PCDH17: variants seen among roughly 807,000 people sequenced by gnomAD.
PCDH17 encodes the protein protocadherin-17.
A neutral mutation model predicts 67.7 loss-of-function variants in PCDH17; 21 were observed. The observed-to-expected ratio is 0.31, with a 90% CI of 0.22 to 0.45. The LOEUF is 0.45. PCDH17 is among the 20% of genes least tolerant of loss of function. The probability of loss-of-function intolerance (pLI) is 1.00; values close to 1 mark genes in which losing one functional copy is unlikely to be tolerated. For synonymous variants in PCDH17, 701 were observed against 656.7 expected (o/e 1.07, Z -1.03); for missense variants, 1,471 against 1,564.8 (o/e 0.94, Z 1.01).
intron 3 of PCDH17, among the ~76,000 whole-genome samples, chr13:57,700,011 T>C (rs1443123266): frequency 2.0e-5 from 3 of 152,102 alleles, no homozygotes; most frequent in Non-Finnish European, 4.4e-5. Flanking sequence ...TTTATACATA[T>C]TCTTCTGTCA....
At chr13:57,687,992 A>AT (rs1314941151) in intron 3 of PCDH17, among the ~76,000 whole-genome samples, 5 of 152,000 alleles carry the variant, frequency 3.3e-5, no homozygotes, top group Non-Finnish European at 7.4e-5. Flanking sequence ...GAGACTGTCA[A>AT]TTTGTAACAC....
At chr13:57,704,356 A>G (rs552145459) in intron 3 of PCDH17, among the ~76,000 whole-genome samples, 1 of 152,214 alleles carries the variant, frequency 6.6e-6, no homozygotes, top group South Asian at 2.1e-4. Flanking sequence ...ACAGTCTAGT[A>G]GGCAGCAGAA....
At chr13:57,668,101 TA>T (rs1955278129) in intron 3 of PCDH17, among the ~76,000 whole-genome samples, 1 of 151,896 alleles carries the variant, frequency 6.6e-6, no homozygotes, top group Non-Finnish European at 1.5e-5. Flanking sequence ...AAATTATTTT[TA>T]ACAAAAGCAA....
intron 1 of PCDH17, among the ~76,000 whole-genome samples, chr13:57,642,260 A>C (rs1345229113): frequency 6.6e-6 from 1 of 151,724 alleles, no homozygotes; most frequent in Non-Finnish European, 1.5e-5. Context: ...TTAAAGGACC[A>C]TTTCTTGTTT....
intron 1 of PCDH17, among the ~76,000 whole-genome samples, chr13:57,637,032 T>G (rs950782991): frequency 6.6e-6 from 1 of 152,116 alleles, no homozygotes; most frequent in African/African-American, 2.4e-5. Context: ...ATGCTGTTCT[T>G]GAAGGTGGTC....
chr13:57,703,540 T>A (rs1298467980), intron 3 of PCDH17, among the ~76,000 whole-genome samples: 1 of 152,154 alleles, frequency 6.6e-6, no homozygotes, highest in Non-Finnish European at 1.5e-5. Flanking sequence ...CTTTTTCTCC[T>A]GCACTTTCTA....
chr13:57,720,584 C>T (rs552027507), intron 3 of PCDH17, among the ~76,000 whole-genome samples: 1 of 151,950 alleles, frequency 6.6e-6, no homozygotes, highest in African/African-American at 2.4e-5. Context: ...CTGTGATTCA[C>T]CTGTATTTCT....
intron 3 of PCDH17, among the ~76,000 whole-genome samples, chr13:57,707,946 C>G: frequency 6.6e-6 from 1 of 152,058 alleles, no homozygotes; most frequent in Middle Eastern, 3.4e-3. Flanking sequence ...TCTGCAGAGA[C>G]CCTATTTCCA....
chr13:57,631,928 G>C lies in PCDH17; in HGVS notation c.-619G>C, dbSNP rs1014324358. On this transcript the variant is annotated 5_prime_UTR_variant, in exon 1 of 4. Coordinates refer to ENST00000377918, the MANE Select transcript of PCDH17 (RefSeq NM_001040429.3). Reference sequence around the variant, plus strand: ...GCGCAGCAAGCAGACATTTCACGGTGCGCTGGGGAAGCTTCAAAATATATC... The same window carrying C: ...GCGCAGCAAGCAGACATTTCACGGTCCGCTGGGGAAGCTTCAAAATATATC... 11 of 152,522 alleles carry C rather than the reference G, an allele frequency of 7.2e-5. No homozygotes were observed. The highest frequency in any genetic ancestry group is 2.4e-4 in the African/African-American group (10 of 41,430). The allele number at this position is 152,522 out of a possible 1,614,324, so 9.4% of individuals were successfully genotyped here.
rs1955262613 is a variant in PCDH17, at chr13:57,666,893, T to C, written c.2797+60T>C. ...AGCTTAAGCAGTCATTATAAACCTA[T>C]TAGATCTAGAGTTGCAGTTTATCAC... On this transcript the variant is annotated intron_variant, in intron 3 of 3. Transcript: ENST00000377918. 7.4e-6 allele frequency: 10 copies of C among 1,347,322 alleles called. No individual in the cohort carries two copies. In the Admixed American group the frequency reaches 2.0e-4, roughly 26 times the overall value. The allele number at this position is 1,347,322 out of a possible 1,614,324, so 83.5% of individuals were successfully genotyped here.
chr13:57,698,707 G>C (rs1955634656), intron 3 of PCDH17, among the ~76,000 whole-genome samples: 1 of 151,880 alleles, frequency 6.6e-6, no homozygotes, highest in South Asian at 2.1e-4. Context: ...GATTCATTCA[G>C]GTCATAGAGA....
intron 1 of PCDH17, among the ~76,000 whole-genome samples, chr13:57,660,621 C>A (rs1477644903): frequency 1.3e-5 from 2 of 152,060 alleles, no homozygotes; most frequent in Non-Finnish European, 2.9e-5. Context: ...TTTCATGAAA[C>A]AAGCAAGATA....
At chr13:57,651,996 G>A (rs1283681085) in intron 1 of PCDH17, among the ~76,000 whole-genome samples, 1 of 152,028 alleles carries the variant, frequency 6.6e-6, no homozygotes, top group Non-Finnish European at 1.5e-5. Flanking sequence ...GAACACTTAC[G>A]GGCCGGGCGC....
At chr13:57,694,400 A>T (rs1343891637) in intron 3 of PCDH17, among the ~76,000 whole-genome samples, 5 of 151,224 alleles carry the variant, frequency 3.3e-5, no homozygotes, top group Admixed American at 2.6e-4. Flanking sequence ...AAAGATTTTG[A>T]TGAGAATGAA....
rs370245900 is a variant in PCDH17 at position 57,725,261 on chromosome 13, C to T, written c.3447C>T (p.Cys1149=). ...AAATTGATAAGCTTTTGCAAGACTG[C>T]CGGGGAAACGACCCTGTGGCTGTGA... ...VREIDKLLQD[C]RGNDPVAVRK Residue 1149 remains cysteine (C), a synonymous_variant, in exon 4 of 4, where the codon TGC becomes TGT. Transcript: ENST00000377918. 8.5e-5 allele frequency: 137 copies of T among 1,611,368 alleles called. No individual in the cohort carries two copies. The highest frequency in any genetic ancestry group is 1.1e-4 in the Non-Finnish European group (133 of 1,178,520).
At chr13:57,669,577 A>G (rs1001629516) in intron 3 of PCDH17, among the ~76,000 whole-genome samples, 3 of 151,976 alleles carry the variant, frequency 2.0e-5, no homozygotes, top group Non-Finnish European at 4.4e-5. Context: ...AGAGGAGGAG[A>G]CTACAATTTA....
At chr13:57,698,925 G>A (rs903172619) in intron 3 of PCDH17, among the ~76,000 whole-genome samples, 28 of 151,686 alleles carry the variant, frequency 1.8e-4, no homozygotes, top group African/African-American at 6.8e-4. Context: ...GAAAGGAAAA[G>A]GAGAAAAAAA....
At position 57,632,972 on chromosome 13, in the gene PCDH17, G is replaced by A. The variant is rs770674617; in HGVS notation, c.426G>A (p.Ser142=). 8.7e-6 allele frequency: 14 copies of A among 1,613,384 alleles called. No individual in the cohort carries two copies. Among genetic ancestry groups the A allele is most frequent in the African/African-American group, 1.3e-5 (1 of 74,888 alleles). Residue 142 remains serine (S), a synonymous_variant, in exon 1 of 4, where the codon TCG becomes TCA. Transcript: ENST00000377918. ...CGGACCAGATCGAAATGGACATCTC[G>A]GAGAACGCTGCTCCGGGCACCCGCT... The part of the protein sequence containing the change: ...FSSDQIEMDI[S]ENAAPGTRFP...
intron 3 of PCDH17, among the ~76,000 whole-genome samples, chr13:57,707,687 T>C (rs1343643801): frequency 6.6e-6 from 1 of 152,040 alleles, no homozygotes; most frequent in African/African-American, 2.4e-5. Flanking sequence ...ATAGTTCTGG[T>C]GGCTAGAAGT....
Sources: gnomAD v4.1 joint callset for allele counts (sites outside exome capture counted in the v4.1 genomes callset) on GRCh38, gnomAD v4.1.1 for gene constraint, MANE v1.5 for transcripts, NCBI Gene and HGNC (gene_info 2026-07-23, HGNC 2026-07-21) for gene names.